The following CADM2 variants were observed in gnomAD, a reference collection of about 807,000 sequenced individuals.
The protein encoded by CADM2 is cell adhesion molecule 2.
CADM2 carries 12 observed loss-of-function variants against 49.8 expected under a neutral mutation model. That is an observed-to-expected ratio of 0.24 (90% CI 0.15 to 0.39). CADM2 has a LOEUF of 0.39. Ranked by LOEUF, CADM2 falls within the 10% of genes least tolerant of loss-of-function variation. The pLI, the probability that CADM2 is intolerant of heterozygous loss-of-function variation, is 1.00. For synonymous variants in CADM2, 214 were observed against 175.4 expected, an observed-to-expected ratio of 1.22 and a Z score of -1.74; for missense variants, 378 against 492.3, an observed-to-expected ratio of 0.77 and a Z score of 2.20.
intron 1 of CADM2, among the ~76,000 whole-genome samples, chr3:85,116,042 G>A (rs543845800): frequency 6.6e-5 from 10 of 152,260 alleles, no homozygotes; most frequent in African/African-American, 1.7e-4. Context: ...ACACATGTGC[G>A]TGGGCCAGGC....
intron 1 of CADM2, among the ~76,000 whole-genome samples, chr3:85,490,198 A>C (rs913318011): frequency 6.6e-6 from 1 of 152,080 alleles, no homozygotes; most frequent in Non-Finnish European, 1.5e-5. Flanking sequence ...CCTGTTACAC[A>C]CAAGAAGAAA....
At chr3:85,074,245 T>C (rs1410692431) in intron 1 of CADM2, among the ~76,000 whole-genome samples, 7 of 152,080 alleles carry the variant, frequency 4.6e-5, no homozygotes, top group Admixed American at 4.6e-4. Flanking sequence ...TTCCTTTGCC[T>C]ACGATGCTAT....
intron 3 of CADM2, among the ~76,000 whole-genome samples, chr3:85,877,684 G>GTTTTTTTTTTTTTTTTTTTTTTGTT (rs368101272): frequency 8.0e-5 from 9 of 112,018 alleles, no homozygotes; most frequent in African/African-American, 1.7e-4. Flanking sequence ...TTTTTCTTCT[G>GTTTTTTTTTTTTTTTTTTTTTTGTT]TTTTTTTTTT....
chr3:85,310,709 G>T (rs541094942), intron 1 of CADM2, among the ~76,000 whole-genome samples: 16 of 152,208 alleles, frequency 1.1e-4, no homozygotes, highest in South Asian at 2.1e-4. Context: ...AAATAGAGTG[G>T]TTTTTTCTGT....
intron 1 of CADM2, among the ~76,000 whole-genome samples, chr3:85,251,276 A>T (rs2042767701): frequency 1.3e-5 from 2 of 151,860 alleles, no homozygotes; most frequent in Admixed American, 1.3e-4. Flanking sequence ...TAAACTTTTC[A>T]TTCTTTTAAG....
intron 1 of CADM2, among the ~76,000 whole-genome samples, chr3:85,323,954 G>T (rs1400295183): frequency 6.6e-6 from 1 of 152,114 alleles, no homozygotes; most frequent in Non-Finnish European, 1.5e-5. Flanking sequence ...GGCACCTTAC[G>T]AATCAATTAA....
At chr3:85,727,816 A>C (rs1313943872) in intron 2 of CADM2, among the ~76,000 whole-genome samples, 1 of 152,016 alleles carries the variant, frequency 6.6e-6, no homozygotes, top group Non-Finnish European at 1.5e-5. Flanking sequence ...TGGCTCTTGA[A>C]GGATGGATAG....
chr3:85,262,513 C>A (rs1168183890), intron 1 of CADM2, among the ~76,000 whole-genome samples: 1 of 151,970 alleles, frequency 6.6e-6, no homozygotes, highest in Non-Finnish European at 1.5e-5. Flanking sequence ...ATAATAAAGC[C>A]ATGATAAATG....
chr3:85,579,397 A>G (rs2062729789), intron 1 of CADM2, among the ~76,000 whole-genome samples: 1 of 151,996 alleles, frequency 6.6e-6, no homozygotes, highest in Non-Finnish European at 1.5e-5. Flanking sequence ...CGACCTAACC[A>G]TTTCTCAGAT....
chr3:85,473,008 A>G (rs975568470), intron 1 of CADM2, among the ~76,000 whole-genome samples: 1 of 152,044 alleles, frequency 6.6e-6, no homozygotes, highest in Admixed American at 6.6e-5. Context: ...AATTTTCTCT[A>G]TCATATATAT....
At chr3:85,650,212 T>G (rs2065003292) in intron 1 of CADM2, among the ~76,000 whole-genome samples, 1 of 152,150 alleles carries the variant, frequency 6.6e-6, no homozygotes, top group East Asian at 1.9e-4. Flanking sequence ...TTCTGAAAAT[T>G]TCCTCCTGAA....
At chr3:85,793,454 G>A (rs768555690) in intron 2 of CADM2, among the ~76,000 whole-genome samples, 8 of 152,130 alleles carry the variant, frequency 5.3e-5, no homozygotes, top group African/African-American at 9.7e-5. Context: ...CTAAAAATAC[G>A]CACAGAAGCA....
chr3:85,622,448 T>C (rs988144414), intron 1 of CADM2, among the ~76,000 whole-genome samples: 1 of 152,194 alleles, frequency 6.6e-6, no homozygotes, highest in Admixed American at 6.6e-5. Context: ...TCCATTGCTG[T>C]TAATGAACTT....
At chr3:85,733,662 T>A (rs2068022554) in intron 2 of CADM2, among the ~76,000 whole-genome samples, 2 of 152,276 alleles carry the variant, frequency 1.3e-5, no homozygotes, top group Non-Finnish European at 2.9e-5. Context: ...TAAATACAAC[T>A]CATTTGCCAT....
At chr3:86,014,046 G>A in intron 8 of CADM2, 6 of 1,327,290 alleles carry the variant, frequency 4.5e-6, no homozygotes, top group Non-Finnish European at 6.2e-6. Flanking sequence ...ACTTGACGAT[G>A]TAATTTCTGT....
chr3:85,398,558 C>T (rs145696868), intron 1 of CADM2, among the ~76,000 whole-genome samples: 7,149 of 152,182 alleles, frequency 0.047, 568 homozygotes, highest in African/African-American at 0.16. Context: ...ATTTCTAGTT[C>T]TAGATACCTG....
intron 1 of CADM2, among the ~76,000 whole-genome samples, chr3:85,458,394 C>A (rs1485377482): frequency 1.3e-5 from 2 of 152,150 alleles, no homozygotes; most frequent in Non-Finnish European, 2.9e-5. Context: ...GTAAAAACAA[C>A]AATAAGCCTT....
At chr3:85,067,572 A>G (rs2036572038) in intron 1 of CADM2, among the ~76,000 whole-genome samples, 1 of 152,098 alleles carries the variant, frequency 6.6e-6, no homozygotes, top group Non-Finnish European at 1.5e-5. Context: ...ACTTTATTTT[A>G]TTTTAGGTAA....
At chr3:85,693,174 G>C (rs571723459) in intron 1 of CADM2, among the ~76,000 whole-genome samples, 30 of 151,900 alleles carry the variant, frequency 2.0e-4, no homozygotes, top group African/African-American at 7.2e-4. Flanking sequence ...GCATGAACCC[G>C]GGAAGAGAAG....
Sources: allele counts gnomAD v4.1 joint callset (sites outside exome capture counted in the v4.1 genomes callset), GRCh38; gene constraint gnomAD v4.1.1; transcripts MANE v1.5; gene names NCBI Gene and HGNC (gene_info 2026-07-23, HGNC 2026-07-21).